The following SAFB2 variants were observed in gnomAD, a reference collection of about 807,000 sequenced individuals.
SAFB2 encodes the protein scaffold attachment factor B2.
In SAFB2, 32 loss-of-function variants were observed where a neutral mutation model predicts 100.6. The observed-to-expected ratio is 0.32, with a 90% CI of 0.24 to 0.43. The LOEUF (loss-of-function observed/expected upper bound fraction) is 0.43, where lower values mean the gene tolerates loss of function less well. SAFB2 is among the 20% of genes least tolerant of loss of function. SAFB2 has a pLI of 1.00. For missense variants in SAFB2, 1,185 were observed against 1,163.4 expected, an observed-to-expected ratio of 1.02 and a Z score of -0.27; for synonymous variants, 500 against 439.4, an observed-to-expected ratio of 1.14 and a Z score of -1.72.
chr19:5,615,258 G>A (rs1430961636), intron 4 of SAFB2, among the ~76,000 whole-genome samples: 1 of 152,094 alleles, frequency 6.6e-6, no homozygotes, highest in Middle Eastern at 3.2e-3. Flanking sequence ...AGGAGGCTGA[G>A]GCAGGAGAAT....
At chr19:5,606,566 G>A (rs1386910192) in intron 9 of SAFB2, among the ~76,000 whole-genome samples, 10 of 152,254 alleles carry the variant, frequency 6.6e-5, no homozygotes, top group African/African-American at 2.2e-4. Context: ...GCTCGAGGCT[G>A]CAGTGAGCAC....
In SAFB2 at chr19:5,587,576, CA is replaced by C. The variant is rs2052284406; in HGVS notation, c.2705+124del. On this transcript the variant is annotated intron_variant, in intron 20 of 20. Transcript: ENST00000252542. This position sits in a 1 kb window ranked among gnomAD's most constrained non-coding sequence, Gnocchi z 4.9. Reference sequence around the variant, plus strand: ...TCAAGAGCGTTATTTGCATAAATTGCAAAGAGCTGCTTTTTGCTTTGTTTTC... The same window carrying C: ...TCAAGAGCGTTATTTGCATAAATTGCAAGAGCTGCTTTTTGCTTTGTTTTC... The C allele has an allele frequency of 1.4e-6, 2 of 1,451,366 alleles. No individual in the cohort carries two copies. The highest frequency in any genetic ancestry group is 2.9e-5 in the African/African-American group (2 of 69,850). The allele number at this position is 1,451,366 out of a possible 1,614,324, so 89.9% of individuals were successfully genotyped here.
chr19:5,604,490 G>A (rs757005690), intron 11 of SAFB2, 93 bp downstream of exon 11: 15 of 866,698 alleles, frequency 1.7e-5, no homozygotes, highest in African/African-American at 6.7e-5. Context: ...CGTGGGTACA[G>A]GTGGGGACAG....
chr19:5,607,870 G>A (rs1243407045), intron 9 of SAFB2, among the ~76,000 whole-genome samples: 1 of 152,220 alleles, frequency 6.6e-6, no homozygotes, highest in Non-Finnish European at 1.5e-5. Flanking sequence ...ACAAATGGAG[G>A]AGTCAAGGCT....
intron 4 of SAFB2, among the ~76,000 whole-genome samples, chr19:5,615,610 G>A (rs920254664): frequency 3.3e-5 from 5 of 151,782 alleles, no homozygotes; most frequent in Non-Finnish European, 7.4e-5. Context: ...AGTTATGCAG[G>A]GGGATTGCTT....
chr19:5,616,026 G>T, intron 4 of SAFB2, 106 bp downstream of exon 4: 1 of 996,530 alleles, frequency 1.0e-6, no homozygotes, highest in Non-Finnish European at 1.5e-6. Flanking sequence ...AAGCAGAACT[G>T]TGTGTTCATG....
At chr19:5,607,266 C>A (rs2052796493) in intron 9 of SAFB2, among the ~76,000 whole-genome samples, 1 of 151,758 alleles carries the variant, frequency 6.6e-6, no homozygotes, top group Non-Finnish European at 1.5e-5. Flanking sequence ...GTCTCAAAAA[C>A]AAACAAAAAC....
chr19:5,592,175 C>T (rs1445145956), intron 16 of SAFB2, among the ~76,000 whole-genome samples: 1 of 152,150 alleles, frequency 6.6e-6, no homozygotes, highest in African/African-American at 2.4e-5. Flanking sequence ...CTCAGCCTCC[C>T]TTTCCTGTTC....
At position 5,606,156 on chromosome 19, in the gene SAFB2, C is replaced by G. The variant is rs2052770162; in HGVS notation, c.1297-1220G>C. Among the ~76,000 whole-genome samples, 7 of 152,218 alleles carry G rather than the reference C, an allele frequency of 4.6e-5. No homozygotes were observed. In the South Asian group the frequency reaches 1.4e-3, roughly 31 times the overall value. ...TTCACGGGCCATCAGACCCACTACT[C>G]AGAGGGCACTGCCCAGTGGTGAGAC... On this transcript the variant is annotated intron_variant, in intron 9 of 20. Transcript: ENST00000252542.
At chr19:5,616,073 G>T (rs764839747) in intron 4 of SAFB2, 59 bp downstream of exon 4, 2 of 1,509,046 alleles carry the variant, frequency 1.3e-6, no homozygotes, top group African/African-American at 1.4e-5. Flanking sequence ...CGAGCAGCAC[G>T]CGAGCACCAG....
intron 11 of SAFB2, among the ~76,000 whole-genome samples, chr19:5,603,542 C>T (rs1374360469): frequency 6.6e-6 from 1 of 152,178 alleles, no homozygotes; most frequent in Non-Finnish European, 1.5e-5. Flanking sequence ...AGATCTGTCC[C>T]TACCTCCATT....
At chr19:5,600,087 G>C in intron 12 of SAFB2, 43 bp downstream of exon 12, 2 of 1,591,338 alleles carry the variant, frequency 1.3e-6, no homozygotes, top group South Asian at 1.2e-5. Flanking sequence ...CCCCACCCGT[G>C]CCAGGCCTTC....
At chr19:5,622,017 G>A (rs571033238) in intron 1 of SAFB2, among the ~76,000 whole-genome samples, 3 of 152,270 alleles carry the variant, frequency 2.0e-5, no homozygotes, top group African/African-American at 7.2e-5. Flanking sequence ...GCTCAGGAAG[G>A]TGATGTCTCA....
chr19:5,603,011 T>C (rs73542944), intron 11 of SAFB2, among the ~76,000 whole-genome samples: 5,518 of 142,616 alleles, frequency 0.039, 305 homozygotes, highest in African/African-American at 0.13. Flanking sequence ...GGCTCACACC[T>C]ATAATCCCAG....
intron 18 of SAFB2, among the ~76,000 whole-genome samples, chr19:5,588,351 T>C (rs1193266563): frequency 6.6e-6 from 1 of 152,186 alleles, no homozygotes; most frequent in Non-Finnish European, 1.5e-5. Flanking sequence ...TTGGTGGTTC[T>C]TCAAAAAGTT....
At chr19:5,618,343 C>T (rs2053076284) in intron 2 of SAFB2, among the ~76,000 whole-genome samples, 1 of 151,912 alleles carries the variant, frequency 6.6e-6, no homozygotes, top group Non-Finnish European at 1.5e-5. Context: ...GCCTGGGCAA[C>T]AGAGCGAGAC....
chr19:5,595,345 AC>A lies in SAFB2; in HGVS notation c.1919+15del. 6.2e-7 allele frequency: 1 copy of A among 1,605,648 alleles called. No individual in the cohort carries two copies. On this transcript the variant is annotated intron_variant, in intron 14 of 20. Coordinates refer to ENST00000252542, the MANE Select transcript of SAFB2 (RefSeq NM_014649.3). ...GAGGAAACCACCAGCCCACAGCCTC[AC>A]CCAGCTCCACTCACCGCCGCCTCTC...
At position 5,588,366 on chromosome 19, in the gene SAFB2, G is replaced by A. The variant is rs116480160; in HGVS notation, c.2526-386C>T. ...TTGGTGGTTCTTCAAAAAGTTAAGC[G>A]CAGAATTACCATGACCCAGCAAACC... On this transcript the variant is annotated intron_variant, in intron 18 of 20. Transcript: ENST00000252542. Among the ~76,000 whole-genome samples the A allele has an allele frequency of 8.4e-3, 1,272 of 152,278 alleles. 15 individuals are homozygous for A. The highest frequency in any genetic ancestry group is 0.028 in the African/African-American group (1,177 of 41,542).
intron 6 of SAFB2, chr19:5,611,867 C>T (rs2052914791): frequency 1.5e-6 from 1 of 685,706 alleles, no homozygotes. Flanking sequence ...GATTTAAACA[C>T]CTACAACCAC....
Sources: allele counts gnomAD v4.1 joint callset (sites outside exome capture counted in the v4.1 genomes callset), GRCh38; gene constraint gnomAD v4.1.1; non-coding constraint Gnocchi (gnomAD v3.1); transcripts MANE v1.5; gene names NCBI Gene and HGNC (gene_info 2026-07-23, HGNC 2026-07-21).